CATSPERT: variants seen among roughly 807,000 people sequenced by gnomAD.
CATSPERT encodes cation channel sperm-associated targeting subunit tau.
the CATSPERT span, among the ~76,000 whole-genome samples, chr2:201,532,170 G>T: frequency 1.3e-5 from 2 of 152,318 alleles, no homozygotes; most frequent in South Asian, 2.1e-4. Context: ...GACTCCTAGG[G>T]TGTTGGTCTT....
the CATSPERT span, chr2:201,487,497 A>G: frequency 9.9e-7 from 1 of 1,005,274 alleles, no homozygotes; most frequent in Non-Finnish European, 1.4e-6. Flanking sequence ...CTGTCACACA[A>G]AAGAAGAGAT....
the CATSPERT span, among the ~76,000 whole-genome samples, chr2:201,505,958 T>G: frequency 1.1e-4 from 17 of 152,078 alleles, no homozygotes; most frequent in African/African-American, 3.9e-4. Context: ...TTTAAAAAAC[T>G]AATCTACTTA....
chr2:201,545,157 C>T, the CATSPERT span, among the ~76,000 whole-genome samples: 1 of 152,032 alleles, frequency 6.6e-6, no homozygotes, highest in Non-Finnish European at 1.5e-5. Flanking sequence ...CCTGCCTCAG[C>T]CTCCTAAGTA....
At chr2:201,487,574 A>T in the CATSPERT span, 1 of 1,561,050 alleles carries the variant, frequency 6.4e-7, no homozygotes, top group Non-Finnish European at 8.8e-7. Flanking sequence ...ATTCTGAGTT[A>T]AACATGTTTT....
chr2:201,557,836 C>A, the CATSPERT span: 1 of 152,194 alleles, frequency 6.6e-6, no homozygotes, highest in African/African-American at 2.4e-5. Context: ...TAGCATTTCT[C>A]CATATCTGTA....
the CATSPERT span, among the ~76,000 whole-genome samples, chr2:201,504,200 G>T: frequency 6.6e-6 from 1 of 152,112 alleles, no homozygotes; most frequent in Non-Finnish European, 1.5e-5. Flanking sequence ...CTAAATTTCA[G>T]ACTCTATCTC....
the CATSPERT span, chr2:201,618,878 G>A: frequency 1.6e-5 from 26 of 1,610,672 alleles, no homozygotes; most frequent in Admixed American, 3.9e-4. Flanking sequence ...TCCAGGTGCC[G>A]GCCAGGCCCC....
At chr2:201,519,403 G>A in the CATSPERT span, among the ~76,000 whole-genome samples, 2 of 152,028 alleles carry the variant, frequency 1.3e-5, no homozygotes, top group East Asian at 1.9e-4. Flanking sequence ...CCCAAAAGAC[G>A]TGACTATTAC....
At chr2:201,594,117 T>C in the CATSPERT span, among the ~76,000 whole-genome samples, 1 of 152,220 alleles carries the variant, frequency 6.6e-6, no homozygotes, top group Non-Finnish European at 1.5e-5. Flanking sequence ...CAGCTGGTAC[T>C]GGTTGTTCCT....
the CATSPERT span, among the ~76,000 whole-genome samples, chr2:201,518,712 T>C: frequency 6.6e-6 from 1 of 152,222 alleles, no homozygotes; most frequent in Non-Finnish European, 1.5e-5. Flanking sequence ...TGAATTCAGT[T>C]GGTAATAATG....
the CATSPERT span, among the ~76,000 whole-genome samples, chr2:201,572,579 C>T: frequency 6.6e-6 from 1 of 152,166 alleles, no homozygotes; most frequent in Non-Finnish European, 1.5e-5. Context: ...AAAAGAATAT[C>T]TCTCCTTAAA....
chr2:201,588,284 G>T, the CATSPERT span, among the ~76,000 whole-genome samples: 57 of 152,094 alleles, frequency 3.7e-4, no homozygotes, highest in Middle Eastern at 3.4e-3. Flanking sequence ...AGATCAAAAA[G>T]CTTGCCCACC....
At chr2:201,567,550 A>C in the CATSPERT span, among the ~76,000 whole-genome samples, 1 of 152,226 alleles carries the variant, frequency 6.6e-6, no homozygotes, top group Admixed American at 6.5e-5. Flanking sequence ...CCAATAGTGT[A>C]GTTCCAGTCC....
At chr2:201,501,196 C>T in the CATSPERT span, among the ~76,000 whole-genome samples, 6 of 151,536 alleles carry the variant, frequency 4.0e-5, no homozygotes, top group African/African-American at 1.2e-4. Context: ...ATCGGGAGTT[C>T]GAGACTAGCC....
the CATSPERT span, chr2:201,494,499 AGT>A: frequency 2.0e-6 from 3 of 1,536,960 alleles, no homozygotes; most frequent in African/African-American, 2.7e-5. Context: ...TTGTATTGAT[AGT>A]AGGATCAGGG....
the CATSPERT span, among the ~76,000 whole-genome samples, chr2:201,520,553 T>C: frequency 1.3e-5 from 2 of 152,200 alleles, no homozygotes; most frequent in Non-Finnish European, 2.9e-5. Flanking sequence ...AAACAACATA[T>C]TCCTGAATAA....
the CATSPERT span, among the ~76,000 whole-genome samples, chr2:201,618,101 A>G: frequency 1.3e-5 from 2 of 152,190 alleles, no homozygotes; most frequent in Non-Finnish European, 2.9e-5. Flanking sequence ...ACGCTTTTAC[A>G]CTGTTGGTGG....
the CATSPERT span, among the ~76,000 whole-genome samples, chr2:201,540,489 C>T: frequency 3.7e-4 from 57 of 152,270 alleles, no homozygotes; most frequent in African/African-American, 1.3e-3. Flanking sequence ...CTAAAAATCC[C>T]AGGGCCCTTA....
chr2:201,494,439 T>C, the CATSPERT span: 5 of 1,537,534 alleles, frequency 3.3e-6, no homozygotes, highest in Non-Finnish European at 3.5e-6. Flanking sequence ...TTGGTAAAGA[T>C]ACATTTGGTA....
Sources: allele counts gnomAD v4.1 joint callset (sites outside exome capture counted in the v4.1 genomes callset), GRCh38; gene constraint gnomAD v4.1.1; transcripts MANE v1.5; gene names NCBI Gene and HGNC (gene_info 2026-07-23, HGNC 2026-07-21).